The following P4HA1 variants were observed in gnomAD, a reference collection of about 807,000 sequenced individuals.
The protein encoded by P4HA1 is prolyl 4-hydroxylase subunit alpha-1.
A neutral mutation model predicts 72.8 loss-of-function variants in P4HA1; 24 were observed. The observed-to-expected ratio is 0.33, with a 90% CI of 0.24 to 0.46. The LOEUF (loss-of-function observed/expected upper bound fraction) is 0.46, where lower values mean the gene tolerates loss of function less well. Ranked by LOEUF, P4HA1 falls within the 20% of genes least tolerant of loss-of-function variation. P4HA1 has a pLI of 1.00. For synonymous variants in P4HA1, 201 were observed against 218.8 expected, an observed-to-expected ratio of 0.92 and a Z score of 0.72; for missense variants, 446 against 640.6, an observed-to-expected ratio of 0.70 and a Z score of 3.28.
At chr10:73,071,064 T>C (rs1248681494) in intron 4 of P4HA1, among the ~76,000 whole-genome samples, 1 of 151,846 alleles carries the variant, frequency 6.6e-6, no homozygotes, top group Non-Finnish European at 1.5e-5. Context: ...TCTATGCTTG[T>C]AGTGCTAGCT....
chr10:73,040,813 G>C (rs1840713919), intron 9 of P4HA1, among the ~76,000 whole-genome samples: 1 of 152,100 alleles, frequency 6.6e-6, no homozygotes, highest in South Asian at 2.1e-4. Context: ...TGCAAATCTA[G>C]AGGATTTAGC....
chr10:73,093,903 TATATACACACAC>T (rs1842106564), intron 1 of P4HA1, among the ~76,000 whole-genome samples: 1 of 75,240 alleles, frequency 1.3e-5, no homozygotes, highest in Non-Finnish European at 2.3e-5. Flanking sequence ...TATATATATA[TATATACACACAC>T]ACACACACAC....
chr10:73,048,581 C>A (rs764089465), intron 7 of P4HA1, among the ~76,000 whole-genome samples: 4 of 152,068 alleles, frequency 2.6e-5, no homozygotes, highest in Non-Finnish European at 5.9e-5. Context: ...TTCTTTTGAT[C>A]TTAGGCAAAG....
At chr10:73,040,478 T>TA (rs1840705389) in intron 9 of P4HA1, among the ~76,000 whole-genome samples, 1 of 134,148 alleles carries the variant, frequency 7.5e-6, no homozygotes, top group African/African-American at 3.4e-5. Flanking sequence ...ATTCATGAAT[T>TA]TTTTTTTTTT....
intron 1 of P4HA1, 123 bp from the exon 2 acceptor site, chr10:73,075,038 G>GT: frequency 1.8e-6 from 1 of 545,020 alleles, no homozygotes; most frequent in South Asian, 2.6e-5. Context: ...ATTGATGTTA[G>GT]TTATTATCAA....
intron 5 of P4HA1, among the ~76,000 whole-genome samples, chr10:73,059,783 TA>T (rs137865415): frequency 0.05 from 7,494 of 148,492 alleles, 597 homozygotes; most frequent in African/African-American, 0.17. Context: ...AAATAAAAAA[TA>T]AAAAAAAATA....
chr10:73,010,659 A>T (rs1839894220), intron 13 of P4HA1, among the ~76,000 whole-genome samples: 1 of 152,150 alleles, frequency 6.6e-6, no homozygotes, highest in South Asian at 2.1e-4. Flanking sequence ...ACTTGAGCCC[A>T]AGAGTTCAAG....
intron 9 of P4HA1, chr10:73,044,033 C>A (rs1048504389): frequency 9.4e-7 from 1 of 1,063,330 alleles, no homozygotes; most frequent in South Asian, 1.3e-5. Flanking sequence ...TTTGTTTTGC[C>A]AAGCCACAGG....
intron 9 of P4HA1, among the ~76,000 whole-genome samples, chr10:73,032,100 T>C (rs1281178428): frequency 6.6e-6 from 1 of 152,186 alleles, no homozygotes; most frequent in Non-Finnish European, 1.5e-5. Context: ...GGCTCTTCAC[T>C]TTACTTCCTC....
chr10:73,072,554 GT>G (rs891427482), intron 3 of P4HA1, among the ~76,000 whole-genome samples: 35 of 152,150 alleles, frequency 2.3e-4, no homozygotes, highest in African/African-American at 8.0e-4. Context: ...TCAATTACAT[GT>G]TCATTTAAAT....
Position 73,013,084 on chromosome 10 carries a change from CTG to C in P4HA1, c.1368+1138_1368+1139del, listed in dbSNP as rs556401835. ...GTGTTGGGATTACAGGCGTGTGTCA[CTG>C]TGCCTGGCCTAAAATATCTTTTTTA... On this transcript the variant is annotated intron_variant, in intron 12 of 14. Transcript: ENST00000394890. Among the ~76,000 whole-genome samples the C allele has an allele frequency of 1.6e-4, 24 of 152,314 alleles. No individual in the cohort carries two copies. The South Asian group carries it at 5.0e-3, about 32-fold the overall frequency.
intron 9 of P4HA1, among the ~76,000 whole-genome samples, 191 bp from the exon 10 acceptor site, chr10:73,030,561 C>T (rs1244678669): frequency 6.6e-6 from 1 of 151,820 alleles, no homozygotes; most frequent in Non-Finnish European, 1.5e-5. Flanking sequence ...TCACATTCTA[C>T]TGTTAGAGGT....
intron 13 of P4HA1, among the ~76,000 whole-genome samples, chr10:73,010,268 G>A (rs758476786): frequency 1.6e-4 from 25 of 152,038 alleles, no homozygotes; most frequent in African/African-American, 1.4e-4. Context: ...GTGCCCGGCC[G>A]TTTTCAGCAG....
chr10:73,089,029 C>A (rs558955044), intron 1 of P4HA1, among the ~76,000 whole-genome samples: 4 of 152,162 alleles, frequency 2.6e-5, no homozygotes, highest in Admixed American at 2.6e-4. Context: ...ATAAGAAATC[C>A]TCTGAGATTT....
At chr10:73,019,703 G>A (rs545448125) in intron 10 of P4HA1, among the ~76,000 whole-genome samples, 2 of 112,238 alleles carry the variant, frequency 1.8e-5, no homozygotes, top group South Asian at 3.1e-4. Context: ...GCACTCCAGC[G>A]TGGCGACAGA....
chr10:73,059,811 C>A (rs902838679), intron 5 of P4HA1, among the ~76,000 whole-genome samples: 1 of 151,576 alleles, frequency 6.6e-6, no homozygotes, highest in African/African-American at 2.4e-5. Context: ...TATGGTGGTA[C>A]TTGCATGCCT....
chr10:73,061,250 C>A (rs1022797270), intron 5 of P4HA1, among the ~76,000 whole-genome samples: 1 of 152,098 alleles, frequency 6.6e-6, no homozygotes, highest in African/African-American at 2.4e-5. Flanking sequence ...ATAGCGCCAC[C>A]TATGGAGTTA....
intron 9 of P4HA1, among the ~76,000 whole-genome samples, chr10:73,036,761 C>T (rs1265543764): frequency 1.3e-5 from 2 of 152,074 alleles, no homozygotes; most frequent in African/African-American, 4.8e-5. Flanking sequence ...TGGATCCCAT[C>T]CTTAACAATT....
At position 73,016,905 on chromosome 10, in the gene P4HA1, G is replaced by A. The variant is rs776400338; in HGVS notation, c.1249-6C>T. 7.5e-6 allele frequency: 12 copies of A among 1,607,330 alleles called. No homozygotes were observed. In the Admixed American group the frequency reaches 8.4e-5, roughly 11 times the overall value. On this transcript the variant is annotated splice_region_variant and splice_polypyrimidine_tract_variant and intron_variant, in intron 10 of 14. Coordinates refer to ENST00000394890, the MANE Select transcript of P4HA1 (RefSeq NM_001017962.3). ...CCAACTCCATAATTTGCTACCTGAAGGAAAGACACAAAGCATGAAAGAAAA... is the reference window on the plus strand; with the variant it reads ...CCAACTCCATAATTTGCTACCTGAAAGAAAGACACAAAGCATGAAAGAAAA...
Sources: gnomAD v4.1 joint callset for allele counts (sites outside exome capture counted in the v4.1 genomes callset) on GRCh38, gnomAD v4.1.1 for gene constraint, MANE v1.5 for transcripts, NCBI Gene and HGNC (gene_info 2026-07-23, HGNC 2026-07-21) for gene names.